The following ATAD2 variants were observed in gnomAD, a reference collection of about 807,000 sequenced individuals.
ATAD2 encodes ATPase family AAA domain-containing protein 2.
A neutral mutation model predicts 168.9 loss-of-function variants in ATAD2; 62 were observed. That is an observed-to-expected ratio of 0.37 (90% CI 0.30 to 0.45). The LOEUF is 0.45. Among genes scored for constraint, ATAD2 ranks in the 20% least tolerant of loss-of-function variants. The probability of loss-of-function intolerance (pLI) is 1.00; values close to 1 mark genes in which losing one functional copy is unlikely to be tolerated. For missense variants in ATAD2, 1,419 were observed against 1,667.8 expected, an observed-to-expected ratio of 0.85 and a Z score of 2.60; for synonymous variants, 613 against 571.6, an observed-to-expected ratio of 1.07 and a Z score of -1.03.
chr8:123,393,948 G>A (rs1184792865), intron 1 of ATAD2, among the ~76,000 whole-genome samples: 1 of 152,088 alleles, frequency 6.6e-6, no homozygotes, highest in Non-Finnish European at 1.5e-5. Context: ...ATCCAGGAAA[G>A]AGATTATGGC....
chr8:123,333,602 T>A (rs1827837927), intron 24 of ATAD2, among the ~76,000 whole-genome samples: 1 of 152,034 alleles, frequency 6.6e-6, no homozygotes, highest in Non-Finnish European at 1.5e-5. Context: ...TAACGTGGAG[T>A]TACCTTCTAA....
rs776595677 is a variant in ATAD2, at chr8:123,359,594, T to C, written c.1249A>G (p.Met417Val). The change falls in exon 10 of 28, where the codon ATG (methionine) becomes GTG (valine). Residue 417 changes from methionine (M) to valine (V), a missense_variant. By Grantham distance (21) the Met-to-Val change is conservative. Transcript: ENST00000287394. Reference protein sequence around the residue: ...IGASLADVDPMQLDSSVRFDS... With the variant: ...IGASLADVDPVQLDSSVRFDS... ...GTACTCACTGAAGAATCTAGTTGCA[T>C]TGGATCAACATCGGCAAGGCTTGCT... is the stretch of plus-strand genomic sequence containing the variant. 3.1e-6 allele frequency: 5 copies of C among 1,611,992 alleles called. No homozygotes were observed. The South Asian group carries it at 4.4e-5, about 14-fold the overall frequency.
intron 19 of ATAD2, among the ~76,000 whole-genome samples, 160 bp from the exon 20 acceptor site, chr8:123,339,606 T>C (rs1267791520): frequency 6.6e-6 from 1 of 152,206 alleles, no homozygotes; most frequent in Non-Finnish European, 1.5e-5. Flanking sequence ...AATAAACCCA[T>C]CATATGTCAA....
chr8:123,376,882 C>T (rs904338569), intron 2 of ATAD2, among the ~76,000 whole-genome samples: 2 of 150,974 alleles, frequency 1.3e-5, no homozygotes, highest in Admixed American at 1.3e-4. Flanking sequence ...CACTTGAGGT[C>T]AGGAGTTCTA....
rs1366942843 is a variant in ATAD2 at position 123,402,577 on chromosome 8, G to A, written c.-2281-1402C>T. Among the ~76,000 whole-genome samples, 2 of 151,934 alleles carry A rather than the reference G, an allele frequency of 1.3e-5. No individual in the cohort carries two copies. The highest frequency in any genetic ancestry group is 2.4e-5 in the African/African-American group (1 of 41,340). Reference sequence around the variant, plus strand: ...AGGGGAGGTCTCTGCCCCCTTCCCCGGCCCTGGGCTACCCTTGGGTCCTGC... The same window carrying A: ...AGGGGAGGTCTCTGCCCCCTTCCCCAGCCCTGGGCTACCCTTGGGTCCTGC... On this transcript the variant is annotated intron_variant, in intron 1 of 28. Coordinates refer to the ATAD2 transcript ENST00000521903. This position sits in a 1 kb window ranked among gnomAD's most constrained non-coding sequence, Gnocchi z 4.8.
At chr8:123,357,882 A>G (rs1350452975) in intron 11 of ATAD2, 146 bp from the exon 12 acceptor site, 5 of 750,606 alleles carry the variant, frequency 6.7e-6, no homozygotes, top group Non-Finnish European at 8.1e-6. Flanking sequence ...CGCACCACAA[A>G]GCACAACTTA....
At chr8:123,351,422 A>G (rs1397014393) in intron 13 of ATAD2, among the ~76,000 whole-genome samples, 1 of 152,052 alleles carries the variant, frequency 6.6e-6, no homozygotes, top group Non-Finnish European at 1.5e-5. Flanking sequence ...GACAACCATA[A>G]CTGTCTCTAG....
intron 1 of ATAD2, among the ~76,000 whole-genome samples, chr8:123,390,440 T>C (rs573346419): frequency 2.4e-4 from 37 of 152,298 alleles, no homozygotes; most frequent in Admixed American, 3.3e-4. Context: ...CTTTCTTGCT[T>C]ATGACTGAAT....
upstream of ATAD2, chr8:123,396,534 C>T: frequency 1.6e-6 from 1 of 623,568 alleles, no homozygotes; most frequent in Non-Finnish European, 2.7e-6. Context: ...CACCGTAGAA[C>T]AGCAGGCTCG....
At chr8:123,326,977 AC>A (rs1477419751) in intron 25 of ATAD2, among the ~76,000 whole-genome samples, 1 of 152,034 alleles carries the variant, frequency 6.6e-6, no homozygotes, top group Non-Finnish European at 1.5e-5. Context: ...ATCTCAGCTC[AC>A]TGCAACCTCT....
chr8:123,413,242 C>T (rs1175169740), intron 1 of ATAD2, among the ~76,000 whole-genome samples: 1 of 141,706 alleles, frequency 7.1e-6, no homozygotes, highest in Non-Finnish European at 1.5e-5. Flanking sequence ...CCCCCCAACT[C>T]CTCCCTGCTT....
Position 123,380,541 on chromosome 8 carries a change from C to A in ATAD2, c.308G>T (p.Arg103Met). ...VEITEQLANG[R>M]HFTRQLARQQ... ...CACCTTGTATTACCTTGTAAAATGC[C>A]TGCCATTAGCAAGTTGCTCCGTTAT... Residue 103 changes from arginine (R) to methionine (M), a missense_variant, in exon 2 of 28, where the codon AGG (arginine) becomes ATG (methionine). Arg to Met is a moderately conservative substitution (Grantham distance 91). This residue lies in a region of ATAD2 where 419 missense variants were observed against 423.5 expected (regional missense o/e 0.99). Coordinates refer to ENST00000287394, the MANE Select transcript of ATAD2 (RefSeq NM_014109.4). The A allele has an allele frequency of 6.2e-7, 1 of 1,613,914 alleles. No homozygotes were observed. The highest frequency in any genetic ancestry group is 8.5e-7 in the Non-Finnish European group (1 of 1,179,952).
intron 1 of ATAD2, among the ~76,000 whole-genome samples, chr8:123,392,571 C>T (rs1364706085): frequency 6.7e-6 from 1 of 150,250 alleles, no homozygotes; most frequent in African/African-American, 2.5e-5. Context: ...CTGGACCACA[C>T]TAAAGTACTA....
chr8:123,329,420 T>C (rs773023195), intron 24 of ATAD2, among the ~76,000 whole-genome samples: 17 of 152,156 alleles, frequency 1.1e-4, no homozygotes, highest in Admixed American at 3.9e-4. Context: ...GCATCAAGCA[T>C]ATACTAGGAA....
chr8:123,321,286 A>G (rs1827461407), intron 27 of ATAD2, 111 bp from the exon 28 acceptor site: 7 of 920,036 alleles, frequency 7.6e-6, no homozygotes. Flanking sequence ...ATTCAGGTAT[A>G]TATTTGATAG....
At chr8:123,398,064 G>C (rs187849224), upstream of ATAD2, among the ~76,000 whole-genome samples, 51 of 152,164 alleles carry the variant, frequency 3.4e-4, no homozygotes, top group African/African-American at 1.2e-3. Context: ...AGACATCTCA[G>C]GGTTTTGAAC....
intron 19 of ATAD2, among the ~76,000 whole-genome samples, chr8:123,342,109 TAAATA>T (rs994141851): frequency 2.6e-5 from 4 of 151,964 alleles, no homozygotes; most frequent in Admixed American, 6.6e-5. Context: ...AATAAACAAG[TAAATA>T]AAATAAAATA....
chr8:123,390,723 A>T (rs1829803003), intron 1 of ATAD2, among the ~76,000 whole-genome samples: 2 of 152,230 alleles, frequency 1.3e-5, no homozygotes, highest in African/African-American at 4.8e-5. Context: ...ACAGAAAAGT[A>T]AAAATGTAGG....
At chr8:123,350,476 A>G (rs562190670) in intron 13 of ATAD2, among the ~76,000 whole-genome samples, 41 of 152,250 alleles carry the variant, frequency 2.7e-4, no homozygotes, top group Admixed American at 1.4e-3. Context: ...TTTACATTTG[A>G]TTTAGTTAAT....
Sources: gnomAD v4.1 joint callset for allele counts (sites outside exome capture counted in the v4.1 genomes callset) on GRCh38, gnomAD v4.1.1 for gene constraint, gnomAD v4.1.1 regional missense constraint, Gnocchi (gnomAD v3.1) non-coding constraint, MANE v1.5 for transcripts, NCBI Gene and HGNC (gene_info 2026-07-23, HGNC 2026-07-21) for gene names.